Variants in METTL15 observed in about 807,000 individuals in gnomAD.
METTL15 encodes methyltransferase 15, mitochondrial 12S rRNA N4-cytidine.
METTL15 carries 34 observed loss-of-function variants against 38.3 expected under a neutral mutation model. The observed-to-expected ratio is 0.89, with a 90% CI of 0.68 to 1.18. The LOEUF is 1.18. Among genes scored for constraint, METTL15 ranks in the 50% most tolerant of loss-of-function variants. The pLI, the probability that METTL15 is intolerant of heterozygous loss-of-function variation, is 0.00. For synonymous variants in METTL15, 162 were observed against 170.9 expected, an observed-to-expected ratio of 0.95 and a Z score of 0.41; for missense variants, 438 against 498.4, an observed-to-expected ratio of 0.88 and a Z score of 1.15.
At chr11:28,165,106 T>A (rs1434465324) in intron 3 of METTL15, among the ~76,000 whole-genome samples, 1 of 152,144 alleles carries the variant, frequency 6.6e-6, no homozygotes, top group Non-Finnish European at 1.5e-5. Flanking sequence ...GATGTTTAGG[T>A]TGATTCCGTA....
intron 6 of METTL15, among the ~76,000 whole-genome samples, chr11:28,470,724 C>T (rs999877793): frequency 6.6e-6 from 1 of 152,016 alleles, no homozygotes; most frequent in Non-Finnish European, 1.5e-5. Context: ...TAAGCACTCC[C>T]GTTTAACTCC....
intron 6 of METTL15, among the ~76,000 whole-genome samples, chr11:28,461,007 T>C (rs1182582191): frequency 6.6e-6 from 1 of 152,046 alleles, no homozygotes; most frequent in African/African-American, 2.4e-5. Context: ...GATTTAGAAT[T>C]CATTTCATAG....
At chr11:28,506,355 T>C (rs1307358749) in intron 6 of METTL15, among the ~76,000 whole-genome samples, 1 of 152,256 alleles carries the variant, frequency 6.6e-6, no homozygotes, top group Non-Finnish European at 1.5e-5. Context: ...TTCAGTGTCA[T>C]TGCTTACTAG....
At chr11:28,268,660 G>A (rs1293062431) in intron 4 of METTL15, among the ~76,000 whole-genome samples, 1 of 152,098 alleles carries the variant, frequency 6.6e-6, no homozygotes, top group African/African-American at 2.4e-5. Context: ...TGTTTTGATT[G>A]TAAATTTATA....
chr11:28,235,782 A>G lies in METTL15; in HGVS notation c.407+24584A>G, dbSNP rs567961137. The stretch of plus-strand genomic sequence containing the variant: ...GACAATTTGACTTCCTGTTTTCCCA[A>G]TTGAATACCCTTTATTTCCTTCTCC... On this transcript the variant is annotated intron_variant, in intron 4 of 6. Coordinates refer to ENST00000407364, the MANE Select transcript of METTL15 (RefSeq NM_001113528.2). Among the ~76,000 whole-genome samples the G allele has an allele frequency of 5.9e-5, 9 of 152,274 alleles. No individual in the cohort carries two copies. In the East Asian group the frequency reaches 7.7e-4, roughly 13 times the overall value.
At chr11:28,323,708 G>A (rs536782757) in intron 6 of METTL15, among the ~76,000 whole-genome samples, 1 of 152,168 alleles carries the variant, frequency 6.6e-6, no homozygotes, top group Non-Finnish European at 1.5e-5. Context: ...TAGTGGTAGA[G>A]CTGGTAAGAA....
chr11:28,222,415 G>A (rs1853279508), intron 4 of METTL15, among the ~76,000 whole-genome samples: 1 of 152,198 alleles, frequency 6.6e-6, no homozygotes, highest in Non-Finnish European at 1.5e-5. Context: ...CGCAGTATTA[G>A]GGTGGGAGTA....
At chr11:28,340,165 A>G (rs1418926385) in intron 3 of METTL15, among the ~76,000 whole-genome samples, 2 of 152,120 alleles carry the variant, frequency 1.3e-5, no homozygotes, top group Admixed American at 1.3e-4. Flanking sequence ...ATCATTTTTA[A>G]ATCATTTTAA....
chr11:28,288,760 C>T (rs1856392039), intron 4 of METTL15, among the ~76,000 whole-genome samples: 1 of 152,056 alleles, frequency 6.6e-6, no homozygotes, highest in African/African-American at 2.4e-5. Context: ...AATAAACCCC[C>T]ATGATACAAG....
intron 4 of METTL15, among the ~76,000 whole-genome samples, chr11:28,232,479 T>G: frequency 6.6e-6 from 1 of 151,782 alleles, no homozygotes; most frequent in South Asian, 2.1e-4. Context: ...TGCATAAAAA[T>G]TTTTTCTTTG....
intron 3 of METTL15, among the ~76,000 whole-genome samples, chr11:28,204,637 C>T (rs1852247307): frequency 6.6e-6 from 1 of 151,762 alleles, no homozygotes; most frequent in South Asian, 2.1e-4. Flanking sequence ...AGATTCATCT[C>T]TATTCAATTC....
At chr11:28,429,984 A>C (rs1850901874) in intron 6 of METTL15, among the ~76,000 whole-genome samples, 1 of 104,546 alleles carries the variant, frequency 9.6e-6, no homozygotes, top group Non-Finnish European at 2.0e-5. Context: ...ATCGTCTGAG[A>C]TGTGGGGAGC....
chr11:28,506,394 A>G (rs1851627682), intron 6 of METTL15, among the ~76,000 whole-genome samples: 1 of 152,170 alleles, frequency 6.6e-6, no homozygotes, highest in Non-Finnish European at 1.5e-5. Context: ...TGAAATCTTC[A>G]TTTTATTACT....
At chr11:28,338,817 C>T (rs912317044) in intron 3 of METTL15, among the ~76,000 whole-genome samples, 2 of 152,056 alleles carry the variant, frequency 1.3e-5, no homozygotes, top group African/African-American at 4.8e-5. Flanking sequence ...CAAGATAATT[C>T]GGGTTAACCA....
At chr11:28,290,941 T>G (rs1856486710) in intron 5 of METTL15, among the ~76,000 whole-genome samples, 1 of 152,090 alleles carries the variant, frequency 6.6e-6, no homozygotes, top group South Asian at 2.1e-4. Context: ...ATAAGATATC[T>G]TTTACACCTC....
intron 5 of METTL15, among the ~76,000 whole-genome samples, chr11:28,294,365 C>G (rs911985198): frequency 6.6e-6 from 1 of 152,166 alleles, no homozygotes; most frequent in Non-Finnish European, 1.5e-5. Context: ...TGTGGCCTGT[C>G]AATTCCTGAA....
intron 6 of METTL15, among the ~76,000 whole-genome samples, chr11:28,475,069 G>A (rs750861353): frequency 2.6e-5 from 4 of 152,088 alleles, no homozygotes; most frequent in Non-Finnish European, 4.4e-5. Context: ...TAAGCAAGAC[G>A]CCTACAGGTC....
At chr11:28,112,576 G>A (rs553063844) in intron 2 of METTL15, among the ~76,000 whole-genome samples, 3 of 152,196 alleles carry the variant, frequency 2.0e-5, no homozygotes, top group African/African-American at 7.2e-5. Context: ...GAAGAAAATG[G>A]AGCACCTATG....
At chr11:28,357,077 A>C (rs903275338) in intron 4 of METTL15, among the ~76,000 whole-genome samples, 4 of 152,178 alleles carry the variant, frequency 2.6e-5, no homozygotes, top group African/African-American at 4.8e-5. Context: ...AGTTCTTTGA[A>C]TTTTATTTCC....
Sources: gnomAD v4.1 joint callset for allele counts (sites outside exome capture counted in the v4.1 genomes callset) on GRCh38, gnomAD v4.1.1 for gene constraint, MANE v1.5 for transcripts, NCBI Gene and HGNC (gene_info 2026-07-23, HGNC 2026-07-21) for gene names.